The following GLIPR2 variants were observed in gnomAD, a reference collection of about 807,000 sequenced individuals.
The protein encoded by GLIPR2 is Golgi-associated plant pathogenesis-related protein 1.
In GLIPR2, 21 loss-of-function variants were observed where a neutral mutation model predicts 20.4. The ratio of observed to expected loss-of-function variants is 1.03; its 90% CI spans 0.73 to 1.48. The LOEUF is 1.48. GLIPR2 is among the 40% of genes most tolerant of loss of function. GLIPR2 has a pLI of 0.00. For missense variants in GLIPR2, 205 were observed against 200.1 expected (o/e 1.02, Z -0.15); for synonymous variants, 91 against 80.5 (o/e 1.13, Z -0.70).
chr9:36,137,328 C>T (rs1242331744), intron 1 of GLIPR2, among the ~76,000 whole-genome samples: 1 of 152,210 alleles, frequency 6.6e-6, no homozygotes, highest in African/African-American at 2.4e-5. Context: ...TGCAGCGCAG[C>T]TCTCCTCCTG....
At chr9:36,155,876 C>A (rs1290146032) in intron 4 of GLIPR2, among the ~76,000 whole-genome samples, 1 of 152,028 alleles carries the variant, frequency 6.6e-6, no homozygotes, top group East Asian at 1.9e-4. Flanking sequence ...AGCTCCAGAC[C>A]AGCCTGGACA....
At chr9:36,154,309 C>G (rs929441499) in intron 4 of GLIPR2, among the ~76,000 whole-genome samples, 2 of 152,098 alleles carry the variant, frequency 1.3e-5, no homozygotes, top group African/African-American at 4.8e-5. Flanking sequence ...CACTTTCCTG[C>G]CCAAGAGACA....
rs575091888 is a variant in GLIPR2 at position 36,156,448 on chromosome 9, C to A, written c.304+5499C>A. ...TAAAGCACATATAACTGAAAATTTACCATTTTAACCATTTTAGGTATACAG... is the reference window on the plus strand; with the variant it reads ...TAAAGCACATATAACTGAAAATTTAACATTTTAACCATTTTAGGTATACAG... On this transcript the variant is annotated intron_variant, in intron 4 of 4. Coordinates refer to ENST00000377960, the MANE Select transcript of GLIPR2 (RefSeq NM_022343.4). Among the ~76,000 whole-genome samples, 103 of 147,542 alleles carry A rather than the reference C, an allele frequency of 7.0e-4. No individual in the cohort carries two copies. The South Asian group carries it at 0.021, about 31-fold the overall frequency.
intron 1 of GLIPR2, chr9:36,141,799 G>A (rs957301258): frequency 6.4e-5 from 29 of 454,722 alleles, no homozygotes; most frequent in Non-Finnish European, 1.1e-4. Flanking sequence ...GACCACAGGC[G>A]TGGGTCACCA....
chr9:36,139,595 G>A (rs1317445286), intron 1 of GLIPR2, among the ~76,000 whole-genome samples: 2 of 152,198 alleles, frequency 1.3e-5, no homozygotes, highest in African/African-American at 4.8e-5. Flanking sequence ...GGGGCTCTGT[G>A]TGCTTCTGTA....
At chr9:36,146,612 G>T (rs1329315618) in intron 1 of GLIPR2, among the ~76,000 whole-genome samples, 1 of 152,182 alleles carries the variant, frequency 6.6e-6, no homozygotes, top group Non-Finnish European at 1.5e-5. Context: ...TACATTGGTG[G>T]GACAGGCATA....
Position 36,162,744 on chromosome 9 carries a change from A to T in GLIPR2, c.*222A>T. The T allele has an allele frequency of 1.9e-6, 1 of 525,474 alleles. No homozygotes were observed. The highest frequency in any genetic ancestry group is 3.4e-6 in the Non-Finnish European group (1 of 293,792). 32.6% of individuals were successfully genotyped at this position (525,474 alleles called of 1,614,324 possible). On this transcript the variant is annotated 3_prime_UTR_variant, in exon 5 of 5. Coordinates refer to ENST00000377960, the MANE Select transcript of GLIPR2 (RefSeq NM_022343.4). ...AGCATTTACCCCGATGGTTACCTAG[A>T]CCACGATTATTTGGATTGGGGGGAG... is the stretch of plus-strand genomic sequence containing the variant.
intron 4 of GLIPR2, among the ~76,000 whole-genome samples, chr9:36,158,092 CGT>C (rs1381286539): frequency 6.6e-6 from 1 of 152,176 alleles, no homozygotes; most frequent in Non-Finnish European, 1.5e-5. Context: ...GGATTACAGG[CGT>C]GAGCCACTGC....
intron 1 of GLIPR2, chr9:36,141,827 T>C (rs912489450): frequency 1.1e-5 from 5 of 455,234 alleles, no homozygotes; most frequent in African/African-American, 1.0e-4. Context: ...CTAATTTTTT[T>C]TTTTTTTGTC....
chr9:36,163,466 TC>T lies in GLIPR2; in HGVS notation c.*950del, dbSNP rs754901052. 226 of 154,612 alleles carry T rather than the reference TC, an allele frequency of 1.5e-3. No homozygotes were observed. Among genetic ancestry groups the T allele is most frequent in the Non-Finnish European group, 2.8e-3 (194 of 69,566 alleles). The allele number at this position is 154,612 out of a possible 1,614,324, so 9.6% of individuals were successfully genotyped here. ...CAGAGGAAGCCCTCAGCCTCTGCCC[TC>T]CCCCCACACAGGGCGGGAGCCCAGG... On this transcript the variant is annotated 3_prime_UTR_variant, in exon 5 of 5. Transcript: ENST00000377960.
intron 4 of GLIPR2, 183 bp from the exon 5 acceptor site, chr9:36,162,179 G>A (rs76637415): frequency 6.5e-6 from 9 of 1,394,272 alleles, no homozygotes; most frequent in East Asian, 2.7e-5. Flanking sequence ...CATCTTGGGG[G>A]AAAAAAAAAG....
intron 1 of GLIPR2, among the ~76,000 whole-genome samples, chr9:36,146,839 C>G (rs951673369): frequency 1.3e-5 from 2 of 152,184 alleles, no homozygotes; most frequent in African/African-American, 2.4e-5. Context: ...CTTCAGCTCT[C>G]GGGTGGAAGC....
intron 1 of GLIPR2, among the ~76,000 whole-genome samples, chr9:36,137,730 C>T (rs1178419856): frequency 6.6e-6 from 1 of 152,250 alleles, no homozygotes; most frequent in Non-Finnish European, 1.5e-5. Flanking sequence ...ATTGCTTCTG[C>T]CTCACAGGAG....
At chr9:36,147,038 T>C (rs1172435353) in intron 1 of GLIPR2, among the ~76,000 whole-genome samples, 1 of 152,158 alleles carries the variant, frequency 6.6e-6, no homozygotes, top group Non-Finnish European at 1.5e-5. Flanking sequence ...CCCACCCACG[T>C]TGAGAGTAGA....
rs1298697617 is a variant in GLIPR2 at position 36,136,980 on chromosome 9, G to C, written c.13+189G>C. On this transcript the variant is annotated intron_variant, in intron 1 of 4. Transcript: ENST00000377960. The surrounding 1 kb of genome is among the most constrained non-coding windows in gnomAD (Gnocchi z 4.3). ...CCGGGGGGAAGGCGAGCCCGAGGGA[G>C]GCCCCCGCCGGAGAGCCGGGGATCG... 3 of 586,802 alleles carry C rather than the reference G, an allele frequency of 5.1e-6. No individual in the cohort carries two copies. Among genetic ancestry groups the C allele is most frequent in the Non-Finnish European group, 5.0e-6 (2 of 400,642 alleles). 36.3% of individuals were successfully genotyped at this position (586,802 alleles called of 1,614,324 possible).
intron 4 of GLIPR2, 81 bp from the exon 5 acceptor site, chr9:36,162,281 G>T (rs751617030): frequency 6.2e-7 from 1 of 1,602,966 alleles, no homozygotes; most frequent in Non-Finnish European, 8.5e-7. Flanking sequence ...TGGTACAGGG[G>T]TTCAACAATC....
rs541831441 is a variant in GLIPR2 at position 36,136,874 on chromosome 9, C to G, written c.13+83C>G. 588 of 1,249,346 alleles carry G rather than the reference C, an allele frequency of 4.7e-4. 9 individuals carry two copies. In the South Asian group the frequency reaches 0.017, roughly 35 times the overall value. 77.4% of individuals were successfully genotyped at this position (1,249,346 alleles called of 1,614,324 possible). A position where few individuals can be genotyped will look rare whatever the true frequency, so the allele number is the denominator to read the frequency against. ...CGCCGTCTCCCTCGTCCGCCGCAAG[C>G]CAGGTCCTGGGGAGTGCGGGAGCCC... On this transcript the variant is annotated intron_variant, in intron 1 of 4. Coordinates refer to ENST00000377960, the MANE Select transcript of GLIPR2 (RefSeq NM_022343.4). This position sits in a 1 kb window ranked among gnomAD's most constrained non-coding sequence, Gnocchi z 4.3.
intron 3 of GLIPR2, among the ~76,000 whole-genome samples, chr9:36,150,166 T>C (rs1473084733): frequency 6.6e-6 from 1 of 152,194 alleles, no homozygotes; most frequent in East Asian, 1.9e-4. Context: ...GTGTGGAACA[T>C]GGATCAGCAG....
intron 4 of GLIPR2, chr9:36,151,164 G>GAT: frequency 1.7e-6 from 1 of 572,038 alleles, no homozygotes; most frequent in Non-Finnish European, 3.1e-6. Context: ...TGCTCCCTCT[G>GAT]AGGGCCACCA....
Sources: gnomAD v4.1 joint callset for allele counts (sites outside exome capture counted in the v4.1 genomes callset) on GRCh38, gnomAD v4.1.1 for gene constraint, Gnocchi (gnomAD v3.1) non-coding constraint, MANE v1.5 for transcripts, NCBI Gene and HGNC (gene_info 2026-07-23, HGNC 2026-07-21) for gene names.